USP15: variants seen among roughly 807,000 people sequenced by gnomAD.
USP15 encodes ubiquitin carboxyl-terminal hydrolase 15.
In USP15, 18 loss-of-function variants were observed where a neutral mutation model predicts 127.1. The observed-to-expected ratio is 0.14, with a 90% CI of 0.10 to 0.21. The LOEUF (loss-of-function observed/expected upper bound fraction) is 0.21. Among genes scored for constraint, USP15 ranks in the 10% least tolerant of loss-of-function variants. USP15 has a pLI of 1.00. For synonymous variants in USP15, 364 were observed against 393.7 expected, an observed-to-expected ratio of 0.92 and a Z score of 0.89; for missense variants, 805 against 1,159.9, an observed-to-expected ratio of 0.69 and a Z score of 4.44.
chr12:62,401,679 T>TA (rs1394891652), intron 21 of USP15, among the ~76,000 whole-genome samples: 3 of 151,818 alleles, frequency 2.0e-5, no homozygotes, highest in Non-Finnish European at 4.4e-5. Context: ...TATCCTGCCT[T>TA]ATGAAAATTA....
chr12:62,299,590 C>T (rs1397319793), intron 2 of USP15, among the ~76,000 whole-genome samples: 2 of 152,134 alleles, frequency 1.3e-5, no homozygotes, highest in Non-Finnish European at 2.9e-5. Context: ...GTTGTTTTCA[C>T]GTTTTGGCTC....
In USP15 at chr12:62,318,103, A is replaced by G. The variant is rs147132903; in HGVS notation, c.475+3187A>G. On this transcript the variant is annotated intron_variant, in intron 4 of 21. Transcript: ENST00000280377. ...TTAATATGTGGAAAAATAAGCACACACTGTCAGTCCTTTGACCATTCTCAA... is the reference window on the plus strand; with the variant it reads ...TTAATATGTGGAAAAATAAGCACACGCTGTCAGTCCTTTGACCATTCTCAA... 1.8e-3 allele frequency among the ~76,000 whole-genome samples: 271 copies of G among 152,318 alleles called. 1 individual carries two copies. The highest frequency in any genetic ancestry group is 6.4e-3 in the African/African-American group (267 of 41,586).
At chr12:62,269,533 C>T (rs1351780112) in intron 1 of USP15, among the ~76,000 whole-genome samples, 1 of 152,000 alleles carries the variant, frequency 6.6e-6, no homozygotes, top group African/African-American at 2.4e-5. Flanking sequence ...ATTCCACTGC[C>T]TCATCCTCCC....
intron 1 of USP15, among the ~76,000 whole-genome samples, chr12:62,262,670 T>C (rs1220267446): frequency 6.6e-6 from 1 of 152,162 alleles, no homozygotes; most frequent in African/African-American, 2.4e-5. Flanking sequence ...TGCGTGTGTG[T>C]GTGCGTGTAT....
At chr12:62,392,023 C>T (rs2067339942) in intron 17 of USP15, 137 bp downstream of exon 17, 1 of 943,648 alleles carries the variant, frequency 1.1e-6, no homozygotes, top group Middle Eastern at 2.2e-4. Context: ...TGGTCATGAA[C>T]TAGAAAAAAA....
intron 6 of USP15, among the ~76,000 whole-genome samples, chr12:62,347,489 A>G (rs900528163): frequency 1.3e-4 from 19 of 151,896 alleles, no homozygotes; most frequent in Non-Finnish European, 2.4e-4. Context: ...ATGTTTTTGA[A>G]AAGTTGTAAT....
At chr12:62,260,773 C>T (rs1024702066) in intron 1 of USP15, among the ~76,000 whole-genome samples, 1 of 152,162 alleles carries the variant, frequency 6.6e-6, no homozygotes, top group Admixed American at 6.5e-5. Flanking sequence ...CTTCGTCCTC[C>T]TTCCTTCCGT....
intron 1 of USP15, among the ~76,000 whole-genome samples, chr12:62,284,808 T>A (rs558666537): frequency 2.1e-4 from 32 of 152,246 alleles, no homozygotes; most frequent in South Asian, 1.2e-3. Flanking sequence ...CAGAATAAAT[T>A]TTTACAATGT....
At chr12:62,401,818 T>TA (rs1253572690) in intron 21 of USP15, among the ~76,000 whole-genome samples, 9 of 151,286 alleles carry the variant, frequency 5.9e-5, no homozygotes, top group African/African-American at 2.2e-4. Flanking sequence ...TGTTCACACT[T>TA]ACATCAGTTT....
chr12:62,263,080 A>G (rs1186036500), intron 1 of USP15, among the ~76,000 whole-genome samples: 2 of 152,250 alleles, frequency 1.3e-5, no homozygotes, highest in Non-Finnish European at 1.5e-5. Flanking sequence ...GAATAATTTG[A>G]TAAGTATAAA....
At chr12:62,269,447 C>G (rs2063290694) in intron 1 of USP15, among the ~76,000 whole-genome samples, 1 of 151,990 alleles carries the variant, frequency 6.6e-6, no homozygotes, top group African/African-American at 2.4e-5. Context: ...GAGACAGGGT[C>G]TGGCTCTGTC....
chr12:62,362,050 T>G (rs939111226), intron 8 of USP15, among the ~76,000 whole-genome samples: 1 of 152,102 alleles, frequency 6.6e-6, no homozygotes, highest in Non-Finnish European at 1.5e-5. Flanking sequence ...TAATTTTCTC[T>G]TCACAGAGGT....
At chr12:62,316,626 A>G (rs895822070) in intron 4 of USP15, among the ~76,000 whole-genome samples, 4 of 152,062 alleles carry the variant, frequency 2.6e-5, no homozygotes, top group East Asian at 3.8e-4. Flanking sequence ...AATGTTTTCT[A>G]GTTATTTTTA....
chr12:62,396,336 G>T lies in USP15; in HGVS notation c.2612G>T (p.Gly871Val). Residue 871 changes from glycine to valine, a missense_variant, in exon 20 of 22, where the codon GGT (glycine) becomes GTT (valine). Around this residue, in one of 11 missense-constraint regions of USP15, gnomAD observed 116 missense variants for 157.2 expected, o/e 0.74. Coordinates refer to ENST00000280377, the MANE Select transcript of USP15 (RefSeq NM_001252078.2). ...MSEFLINPNA[G>V]PCRYNLIAVS... ...GAATTCTTAATTAATCCAAATGCAG[G>T]TCCTTGCCGCTATAATCTGATTGCT... The T allele has an allele frequency of 6.2e-7, 1 of 1,601,218 alleles. No individual in the cohort carries two copies. The highest frequency in any genetic ancestry group is 8.5e-7 in the Non-Finnish European group (1 of 1,175,956).
Position 62,383,837 on chromosome 12 carries a change from C to T in USP15, c.1090-3C>T, listed in dbSNP as rs1448454608. 7 of 1,609,372 alleles carry T rather than the reference C, an allele frequency of 4.3e-6. No homozygotes were observed. Among genetic ancestry groups the T allele is most frequent in the Admixed American group, 3.4e-5 (2 of 59,074 alleles). On this transcript the variant is annotated splice_region_variant and splice_polypyrimidine_tract_variant and intron_variant, in intron 9 of 21. Transcript: ENST00000280377. ...TGATTTGATGGTTTTGCATTTCTTACAGACACAGGTAGGACGTTTTGCACC... is the reference window on the plus strand; with the variant it reads ...TGATTTGATGGTTTTGCATTTCTTATAGACACAGGTAGGACGTTTTGCACC...
chr12:62,353,546 A>G (rs1278349769), intron 7 of USP15, among the ~76,000 whole-genome samples: 2 of 152,046 alleles, frequency 1.3e-5, no homozygotes, highest in Non-Finnish European at 2.9e-5. Flanking sequence ...AAATTTTACT[A>G]TGATTTTACA....
chr12:62,313,446 T>G (rs1230586089), intron 3 of USP15, among the ~76,000 whole-genome samples: 1 of 151,688 alleles, frequency 6.6e-6, no homozygotes, highest in Non-Finnish European at 1.5e-5. Flanking sequence ...GCCTGCAGTT[T>G]ACCTTAGTTT....
At chr12:62,279,870 T>A (rs2063601089) in intron 1 of USP15, among the ~76,000 whole-genome samples, 1 of 152,222 alleles carries the variant, frequency 6.6e-6, no homozygotes, top group Non-Finnish European at 1.5e-5. Context: ...GTAATGATGC[T>A]TTTGACATAT....
At chr12:62,326,074 G>A (rs2065113259) in intron 6 of USP15, 141 bp downstream of exon 6, 2 of 654,364 alleles carry the variant, frequency 3.1e-6, no homozygotes, top group Non-Finnish European at 4.9e-6. Flanking sequence ...TTTGTTCTTA[G>A]TATACAAGCT....
Sources: gnomAD v4.1 joint callset for allele counts (sites outside exome capture counted in the v4.1 genomes callset) on GRCh38, gnomAD v4.1.1 for gene constraint, gnomAD v4.1.1 regional missense constraint, MANE v1.5 for transcripts, NCBI Gene and HGNC (gene_info 2026-07-23, HGNC 2026-07-21) for gene names.